Variants in CSMD1 observed in about 807,000 individuals in gnomAD.
CSMD1 encodes CUB and sushi domain-containing protein 1.
A neutral mutation model predicts 417.5 loss-of-function variants in CSMD1; 213 were observed. The ratio of observed to expected loss-of-function variants is 0.51; its 90% CI spans 0.46 to 0.57. The LOEUF is 0.57. CSMD1 is among the 20% of genes least tolerant of loss of function. The pLI is 0.00. For synonymous variants in CSMD1, 2,862 were observed against 1,736.8 expected, an observed-to-expected ratio of 1.65 and a Z score of -16.11; for missense variants, 6,923 against 4,529.7, an observed-to-expected ratio of 1.53 and a Z score of -15.17.
intron 1 of CSMD1, among the ~76,000 whole-genome samples, chr8:4,940,225 A>G (rs1451638644): frequency 1.3e-5 from 2 of 152,158 alleles, no homozygotes; most frequent in Non-Finnish European, 2.9e-5. Context: ...GTCAAAGCGT[A>G]TTTGAGAAGG....
intron 6 of CSMD1, among the ~76,000 whole-genome samples, chr8:3,742,772 A>G (rs995722348): frequency 6.6e-6 from 1 of 152,190 alleles, no homozygotes; most frequent in Admixed American, 6.5e-5. Flanking sequence ...AACGAAACAA[A>G]AACACCAACA....
chr8:3,635,023 C>G (rs1464168974), intron 7 of CSMD1, among the ~76,000 whole-genome samples: 2 of 151,580 alleles, frequency 1.3e-5, no homozygotes, highest in Non-Finnish European at 2.9e-5. Context: ...CATTGAAAAA[C>G]TAAGGTAAAA....
At chr8:4,712,158 C>T (rs910112020) in intron 1 of CSMD1, among the ~76,000 whole-genome samples, 3 of 152,148 alleles carry the variant, frequency 2.0e-5, no homozygotes, top group African/African-American at 7.2e-5. Context: ...GACCAGTGAA[C>T]CTCTTCTATT....
At chr8:3,496,736 G>C (rs915842396) in intron 10 of CSMD1, among the ~76,000 whole-genome samples, 1 of 152,088 alleles carries the variant, frequency 6.6e-6, no homozygotes, top group Non-Finnish European at 1.5e-5. Flanking sequence ...TGAGGCAGGA[G>C]AATCACTTGA....
At chr8:3,838,408 AG>A (rs1802845545) in intron 5 of CSMD1, among the ~76,000 whole-genome samples, 1 of 149,710 alleles carries the variant, frequency 6.7e-6, no homozygotes, top group Non-Finnish European at 1.5e-5. Context: ...CTATATATAT[AG>A]AGAGAGACTA....
At chr8:4,830,730 C>G (rs11775007) in intron 1 of CSMD1, among the ~76,000 whole-genome samples, 6,860 of 152,264 alleles carry the variant, frequency 0.045, 219 homozygotes, top group African/African-American at 0.067. Context: ...ATTGTATCTT[C>G]GCTTAATTGG....
chr8:4,628,912 C>T (rs578026731), intron 2 of CSMD1, among the ~76,000 whole-genome samples: 1 of 152,148 alleles, frequency 6.6e-6, no homozygotes, highest in Non-Finnish European at 1.5e-5. Flanking sequence ...GAGAATAAAA[C>T]CTTGGAAGAA....
intron 29 of CSMD1, among the ~76,000 whole-genome samples, chr8:3,218,679 C>A (rs938954589): frequency 1.3e-5 from 2 of 152,058 alleles, no homozygotes; most frequent in South Asian, 2.1e-4. Context: ...CGAGACCAGC[C>A]TGACCAATAT....
chr8:4,062,569 C>G (rs916039344), intron 3 of CSMD1, among the ~76,000 whole-genome samples: 1 of 152,012 alleles, frequency 6.6e-6, no homozygotes, highest in African/African-American at 2.4e-5. Flanking sequence ...GAAACATATC[C>G]TATAAAAGTT....
At chr8:4,513,996 C>T (rs1802971423) in intron 2 of CSMD1, among the ~76,000 whole-genome samples, 1 of 152,172 alleles carries the variant, frequency 6.6e-6, no homozygotes, top group African/African-American at 2.4e-5. Context: ...TAAAGAGCCT[C>T]CTCATTTGTG....
intron 3 of CSMD1, among the ~76,000 whole-genome samples, chr8:4,291,130 CTG>C (rs775044086): frequency 5.9e-4 from 89 of 152,130 alleles, no homozygotes; most frequent in South Asian, 1.7e-3. Context: ...TGACAGGAAT[CTG>C]AGTCTTAATA....
At chr8:3,141,858 C>T (rs2085786) in intron 41 of CSMD1, among the ~76,000 whole-genome samples, 55,719 of 149,380 alleles carry the variant, frequency 0.37, 13,005 homozygotes, top group Non-Finnish European at 0.53. Context: ...AGTGCAGTGG[C>T]GCGATCTCTC....
intron 2 of CSMD1, among the ~76,000 whole-genome samples, chr8:4,636,964 G>T (rs958223003): frequency 6.6e-6 from 1 of 152,226 alleles, no homozygotes; most frequent in African/African-American, 2.4e-5. Flanking sequence ...ACACCAATCA[G>T]CAGGATCGTA....
intron 1 of CSMD1, among the ~76,000 whole-genome samples, chr8:4,674,325 G>A (rs1036145124): frequency 5.3e-5 from 8 of 152,144 alleles, no homozygotes; most frequent in Non-Finnish European, 1.0e-4. Context: ...TGAAAAAAAT[G>A]CTAAGGAAGG....
At chr8:4,192,599 T>C (rs1428912636) in intron 3 of CSMD1, among the ~76,000 whole-genome samples, 3 of 152,190 alleles carry the variant, frequency 2.0e-5, no homozygotes, top group Non-Finnish European at 4.4e-5. Context: ...CTTTGCCCTA[T>C]AATGAGAACA....
intron 2 of CSMD1, among the ~76,000 whole-genome samples, chr8:4,597,783 A>G (rs2130753659): frequency 6.6e-6 from 1 of 152,254 alleles, no homozygotes; most frequent in African/African-American, 2.4e-5. Context: ...TGACTTTCAT[A>G]GGCCAGTCAC....
chr8:4,715,949 T>C (rs1808627849), intron 1 of CSMD1, among the ~76,000 whole-genome samples: 1 of 152,180 alleles, frequency 6.6e-6, no homozygotes, highest in Non-Finnish European at 1.5e-5. Flanking sequence ...TAAATCGTCT[T>C]CGTTAAATGT....
At chr8:4,696,060 T>C (rs1466161599) in intron 1 of CSMD1, among the ~76,000 whole-genome samples, 1 of 152,236 alleles carries the variant, frequency 6.6e-6, no homozygotes, top group Non-Finnish European at 1.5e-5. Flanking sequence ...CTTATAAACA[T>C]GGATTTTAAC....
At chr8:4,640,002 CA>C (rs1231476348) in intron 1 of CSMD1, among the ~76,000 whole-genome samples, 2 of 151,196 alleles carry the variant, frequency 1.3e-5, no homozygotes, top group Non-Finnish European at 1.5e-5. Context: ...AACAGTAAAT[CA>C]AAAAAAGGGA....
Sources: allele counts gnomAD v4.1 joint callset (sites outside exome capture counted in the v4.1 genomes callset), GRCh38; gene constraint gnomAD v4.1.1; transcripts MANE v1.5; gene names NCBI Gene and HGNC (gene_info 2026-07-23, HGNC 2026-07-21).